SYT1: variants seen among roughly 807,000 people sequenced by gnomAD.
The protein encoded by SYT1 is synaptotagmin 1.
Under a neutral mutation model 44.8 loss-of-function variants are expected in SYT1, and 8 were observed. The ratio of observed to expected loss-of-function variants is 0.18; its 90% confidence interval spans 0.10 to 0.32. The LOEUF (loss-of-function observed/expected upper bound fraction) is 0.32. Ranked by LOEUF, SYT1 falls within the 10% of genes least tolerant of loss-of-function variation. The pLI is 1.00. For synonymous variants in SYT1, 154 were observed against 188.8 expected, an observed-to-expected ratio of 0.82 and a Z score of 1.51; for missense variants, 286 against 509.3, an observed-to-expected ratio of 0.56 and a Z score of 4.22.
chr12:79,139,667 C>A (rs775208959), intron 3 of SYT1, among the ~76,000 whole-genome samples: 1 of 152,126 alleles, frequency 6.6e-6, no homozygotes, highest in Non-Finnish European at 1.5e-5. Context: ...TATTTAAATA[C>A]GCTTCTACTA....
At chr12:79,035,345 T>G (rs1460731764) in intron 2 of SYT1, among the ~76,000 whole-genome samples, 2 of 151,726 alleles carry the variant, frequency 1.3e-5, no homozygotes, top group Non-Finnish European at 2.9e-5. Flanking sequence ...TCATTGTTTG[T>G]CATTTCACCA....
At chr12:78,974,085 A>G (rs1184818230) in intron 1 of SYT1, among the ~76,000 whole-genome samples, 1 of 149,496 alleles carries the variant, frequency 6.7e-6, no homozygotes, top group Non-Finnish European at 1.5e-5. Flanking sequence ...ACACAAACCT[A>G]GATGATATAA....
intron 9 of SYT1, among the ~76,000 whole-genome samples, chr12:79,426,704 A>C (rs1565952901): frequency 6.6e-6 from 1 of 152,234 alleles, no homozygotes; most frequent in South Asian, 2.1e-4. Flanking sequence ...CACACAACAG[A>C]ATGTTAATAT....
chr12:79,335,132 C>G (rs1882030863), intron 8 of SYT1, among the ~76,000 whole-genome samples: 1 of 152,068 alleles, frequency 6.6e-6, no homozygotes, highest in Non-Finnish European at 1.5e-5. Context: ...TAGTAAATTC[C>G]ATTCTGCTTC....
chr12:79,225,001 G>A lies in SYT1; in HGVS notation c.166+7316G>A, dbSNP rs184017759. Reference sequence around the variant, plus strand: ...TCTCCATGTTGGTCAGGCTGGTCTCGAACTCCCGACCTCAGGTGATCTGCC... The same window carrying A: ...TCTCCATGTTGGTCAGGCTGGTCTCAAACTCCCGACCTCAGGTGATCTGCC... On this transcript the variant is annotated intron_variant, in intron 4 of 10. Coordinates refer to ENST00000261205, the MANE Select transcript of SYT1 (RefSeq NM_005639.3). Among the ~76,000 whole-genome samples the A allele has an allele frequency of 4.1e-3, 618 of 151,530 alleles. 3 individuals carry two copies. Among genetic ancestry groups the A allele is most frequent in the African/African-American group, 0.014 (579 of 41,330 alleles).
chr12:78,979,927 TTTTAAAGAA>T (rs1256213458), intron 2 of SYT1, among the ~76,000 whole-genome samples: 4 of 152,084 alleles, frequency 2.6e-5, no homozygotes, highest in African/African-American at 9.7e-5. Flanking sequence ...AAACAACACT[TTTTAAAGAA>T]TTTCAACCGA....
intron 9 of SYT1, among the ~76,000 whole-genome samples, chr12:79,370,846 T>A (rs1046039283): frequency 1.3e-5 from 2 of 152,110 alleles, no homozygotes; most frequent in Non-Finnish European, 2.9e-5. Context: ...TGCCATAGGT[T>A]AGGGAATTAA....
intron 3 of SYT1, among the ~76,000 whole-genome samples, chr12:79,125,241 G>T (rs906878642): frequency 6.6e-6 from 1 of 152,074 alleles, no homozygotes; most frequent in East Asian, 1.9e-4. Context: ...GGAAAATAAC[G>T]TACCTATTTA....
At chr12:79,163,857 G>A (rs1871094380) in intron 3 of SYT1, among the ~76,000 whole-genome samples, 1 of 151,970 alleles carries the variant, frequency 6.6e-6, no homozygotes, top group African/African-American at 2.4e-5. Context: ...TTAAATCAAG[G>A]GGAGTATTTT....
At chr12:79,035,347 A>G (rs1250243680) in intron 2 of SYT1, among the ~76,000 whole-genome samples, 2 of 151,672 alleles carry the variant, frequency 1.3e-5, no homozygotes, top group African/African-American at 2.4e-5. Context: ...ATTGTTTGTC[A>G]TTTCACCAAC....
At chr12:79,141,286 A>G (rs1448012023) in intron 3 of SYT1, among the ~76,000 whole-genome samples, 1 of 152,126 alleles carries the variant, frequency 6.6e-6, no homozygotes, top group Non-Finnish European at 1.5e-5. Context: ...AACCTAAGGA[A>G]TTGTATATTT....
chr12:78,878,448 A>G (rs1874288031), intron 1 of SYT1, among the ~76,000 whole-genome samples: 1 of 151,812 alleles, frequency 6.6e-6, no homozygotes, highest in African/African-American at 2.4e-5. Flanking sequence ...CTGCAAGAAA[A>G]TTAGACATAT....
chr12:79,400,201 A>G (rs1290851085), intron 9 of SYT1, among the ~76,000 whole-genome samples: 1 of 152,162 alleles, frequency 6.6e-6, no homozygotes. Flanking sequence ...ATGTTTATGG[A>G]CATAGTATAA....
chr12:79,046,913 G>T lies in SYT1; in HGVS notation c.-83-384G>T, dbSNP rs1874110561. ...AGGTTGATTTGTAATAGTCATATTG[G>T]TAATTGAGACAGCACCAGATATTTA... On this transcript the variant is annotated intron_variant, in intron 2 of 10. Coordinates refer to ENST00000261205, the MANE Select transcript of SYT1 (RefSeq NM_005639.3). Among the ~76,000 whole-genome samples, 2 of 151,796 alleles carry T rather than the reference G, an allele frequency of 1.3e-5. 1 individual carries two copies. Among genetic ancestry groups the T allele is most frequent in the Middle Eastern group, 6.4e-3 (2 of 314 alleles).
In SYT1 at chr12:79,014,977, C is replaced by T. The variant is rs988157434; in HGVS notation, c.-83-32320C>T. Among the ~76,000 whole-genome samples the T allele has an allele frequency of 2.2e-3, 337 of 151,760 alleles. 1 individual carries two copies. The highest frequency in any genetic ancestry group is 1.2e-3 in the Non-Finnish European group (81 of 67,966). ...ATCGCAAGGATAAAAAACCAAACAC[C>T]GCATGTTCTCACTCATAGGTGGGAA... On this transcript the variant is annotated intron_variant, in intron 2 of 10. Transcript: ENST00000261205.
chr12:79,235,295 T>G (rs944555379), intron 4 of SYT1, among the ~76,000 whole-genome samples: 1 of 152,182 alleles, frequency 6.6e-6, no homozygotes, highest in Non-Finnish European at 1.5e-5. Flanking sequence ...TTTTAGTTAC[T>G]CTAGTATGTG....
chr12:78,933,235 A>G (rs1877853472), intron 1 of SYT1, among the ~76,000 whole-genome samples: 1 of 152,156 alleles, frequency 6.6e-6, no homozygotes. Flanking sequence ...ATACCAGGGC[A>G]ATCTTGACCT....
intron 1 of SYT1, among the ~76,000 whole-genome samples, chr12:78,894,881 A>G (rs1483170714): frequency 6.6e-6 from 1 of 151,668 alleles, no homozygotes; most frequent in Non-Finnish European, 1.5e-5. Context: ...AGTATATTGT[A>G]TACTTGAAAA....
intron 1 of SYT1, among the ~76,000 whole-genome samples, chr12:78,914,660 T>C (rs1382981712): frequency 2.0e-5 from 3 of 152,014 alleles, no homozygotes; most frequent in Non-Finnish European, 4.4e-5. Context: ...CTCAGGCTGA[T>C]TTGACTTCAT....
Sources: allele counts gnomAD v4.1 joint callset (sites outside exome capture counted in the v4.1 genomes callset), GRCh38; gene constraint gnomAD v4.1.1; transcripts MANE v1.5; gene names NCBI Gene and HGNC (gene_info 2026-07-23, HGNC 2026-07-21).